ZNF487: variants seen among roughly 807,000 people sequenced by gnomAD.
ZNF487 encodes the protein KRAB domain only 1.
In ZNF487, 4 loss-of-function variants were observed where a neutral mutation model predicts 3.0. The ratio of observed to expected loss-of-function variants is 1.35; its 90% CI spans 0.66 to 3.08. ZNF487 has a LOEUF of 3.08. Among genes scored for constraint, ZNF487 ranks in the 30% most tolerant of loss-of-function variants. ZNF487 has a pLI of 0.01. For synonymous variants in ZNF487, 55 were observed against 34.6 expected (o/e 1.59, Z -2.06); for missense variants, 146 against 98.7 (o/e 1.48, Z -2.03).
intron 1 of ZNF487, among the ~76,000 whole-genome samples, chr10:43,450,366 T>C (rs1839964556): frequency 6.6e-6 from 1 of 151,132 alleles, no homozygotes; most frequent in African/African-American, 2.4e-5. Flanking sequence ...GCTTTGTTTT[T>C]TTTTGAGACG....
the ZNF487 span, among the ~76,000 whole-genome samples, chr10:43,490,306 C>G: frequency 2.0e-5 from 3 of 151,900 alleles, no homozygotes; most frequent in South Asian, 6.2e-4. Context: ...GAGCTGAGAT[C>G]GTGCCACTGT....
chr10:43,499,547 T>C, the ZNF487 span, among the ~76,000 whole-genome samples: 1 of 151,710 alleles, frequency 6.6e-6, no homozygotes, highest in African/African-American at 2.4e-5. Flanking sequence ...CTCCCAGAAA[T>C]TCGAGACTAG....
At chr10:43,446,869 C>T (rs958378304) in intron 1 of ZNF487, among the ~76,000 whole-genome samples, 6 of 152,090 alleles carry the variant, frequency 3.9e-5, no homozygotes, top group Admixed American at 6.6e-5. Context: ...TTGTAGTGAG[C>T]GGAGATCACG....
At chr10:43,451,020 T>C (rs1839988941) in intron 1 of ZNF487, among the ~76,000 whole-genome samples, 1 of 151,978 alleles carries the variant, frequency 6.6e-6, no homozygotes, top group African/African-American at 2.4e-5. Context: ...CGATCTTGGC[T>C]CACTGCAACC....
rs61859970 is a variant in ZNF487 at position 43,482,445 on chromosome 10, A to G, written c.*523A>G. On this transcript the variant is annotated 3_prime_UTR_variant, in exon 4 of 4. Transcript: ENST00000437590. ...ACTGAATGTGGGAAAACTTTTGGAT[A>G]TAGGTCATGCCTTGCAGTACATCAA... is the stretch of plus-strand genomic sequence containing the variant. 0.032 allele frequency: 15,168 copies of G among 470,844 alleles called. 323 individuals carry two copies. The highest frequency in any genetic ancestry group is 0.04 in the Non-Finnish European group (9,204 of 230,848). 29.2% of individuals were successfully genotyped at this position (470,844 alleles called of 1,614,324 possible). A position where few individuals can be genotyped will look rare whatever the true frequency, so the allele number is the denominator to read the frequency against.
the ZNF487 span, among the ~76,000 whole-genome samples, chr10:43,506,725 T>C: frequency 3.3e-3 from 504 of 152,276 alleles, 4 homozygotes; most frequent in African/African-American, 0.012. Flanking sequence ...GTCTTGCCTG[T>C]TGCAGTGCCC....
At chr10:43,493,167 T>C in the ZNF487 span, among the ~76,000 whole-genome samples, 1 of 151,642 alleles carries the variant, frequency 6.6e-6, no homozygotes, top group Non-Finnish European at 1.5e-5. Context: ...GAGGCGGAGG[T>C]TGCGGTGAGC....
At chr10:43,508,739 G>A in the ZNF487 span, among the ~76,000 whole-genome samples, 20 of 152,208 alleles carry the variant, frequency 1.3e-4, no homozygotes, top group Non-Finnish European at 1.8e-4. Context: ...CCAGCTACTC[G>A]GGAGGCTGAG....
At chr10:43,438,904 G>T (rs1174166658) in intron 1 of ZNF487, among the ~76,000 whole-genome samples, 1 of 151,924 alleles carries the variant, frequency 6.6e-6, no homozygotes, top group East Asian at 1.9e-4. Flanking sequence ...AACATAGCGA[G>T]ATCCTGTTTC....
At chr10:43,455,591 C>A (rs1840158454) in intron 1 of ZNF487, among the ~76,000 whole-genome samples, 1 of 152,212 alleles carries the variant, frequency 6.6e-6, no homozygotes, top group Non-Finnish European at 1.5e-5. Flanking sequence ...GGTTGTGTCG[C>A]GGAACCTGAC....
At chr10:43,460,380 CT>C (rs199998705) in intron 1 of ZNF487, among the ~76,000 whole-genome samples, 10,600 of 121,116 alleles carry the variant, frequency 0.088, 266 homozygotes, top group East Asian at 0.19. Flanking sequence ...TTCTTTCTTT[CT>C]TTTTTTTTTT....
rs1489189280 is a variant in ZNF487, at chr10:43,482,097, G to A, written c.*175G>A. The stretch of plus-strand genomic sequence containing the variant: ...AGATGAAATACTATGAGTGTAATGC[G>A]AGTGAGAATAGTTTTGGCAAGAAAT... On this transcript the variant is annotated 3_prime_UTR_variant, in exon 4 of 4. Transcript: ENST00000437590. 1.9e-5 allele frequency: 11 copies of A among 572,558 alleles called. No individual in the cohort carries two copies. Among genetic ancestry groups the A allele is most frequent in the African/African-American group, 7.5e-5 (4 of 53,540 alleles). The allele number at this position is 572,558 out of a possible 1,614,324, so 35.5% of individuals were successfully genotyped here. A position where few individuals can be genotyped will look rare whatever the true frequency, so the allele number is the denominator to read the frequency against.
At chr10:43,497,500 C>T in the ZNF487 span, among the ~76,000 whole-genome samples, 2 of 152,160 alleles carry the variant, frequency 1.3e-5, no homozygotes, top group Admixed American at 1.3e-4. Flanking sequence ...GATTGGGGAG[C>T]AGGCAGCAGT....
At chr10:43,519,133 C>G in the ZNF487 span, among the ~76,000 whole-genome samples, 2 of 151,746 alleles carry the variant, frequency 1.3e-5, no homozygotes, top group Admixed American at 1.3e-4. Context: ...CCAGGCTGGT[C>G]CTGGACTCCT....
intron 1 of ZNF487, among the ~76,000 whole-genome samples, chr10:43,467,609 G>T (rs1037594230): frequency 6.6e-6 from 1 of 151,818 alleles, no homozygotes; most frequent in Non-Finnish European, 1.5e-5. Context: ...CTCAGGTCAG[G>T]AGTTTGATAC....
chr10:43,465,313 G>C (rs868600259), intron 1 of ZNF487, among the ~76,000 whole-genome samples: 1 of 151,672 alleles, frequency 6.6e-6, no homozygotes, highest in Admixed American at 6.6e-5. Context: ...CTCCCGGACC[G>C]GGTGGCTGCC....
chr10:43,442,756 A>T (rs1839663596), intron 1 of ZNF487, among the ~76,000 whole-genome samples: 1 of 152,114 alleles, frequency 6.6e-6, no homozygotes, highest in South Asian at 2.1e-4. Context: ...GAATTATTTT[A>T]TAAGCATTTT....
chr10:43,461,367 A>C (rs909471939), intron 1 of ZNF487, among the ~76,000 whole-genome samples: 2 of 150,288 alleles, frequency 1.3e-5, no homozygotes, highest in Non-Finnish European at 3.0e-5. Context: ...CCCAGGCTGG[A>C]GCGCAGTGGT....
chr10:43,449,899 C>T (rs1220100175), intron 1 of ZNF487, among the ~76,000 whole-genome samples: 9 of 152,014 alleles, frequency 5.9e-5, no homozygotes, highest in Non-Finnish European at 1.5e-5. Context: ...AGGCTGGTCT[C>T]GAACTCCTGA....
Sources: gnomAD v4.1 joint callset for allele counts (sites outside exome capture counted in the v4.1 genomes callset) on GRCh38, gnomAD v4.1.1 for gene constraint, MANE v1.5 for transcripts, NCBI Gene and HGNC (gene_info 2026-07-23, HGNC 2026-07-21) for gene names.